The following CLCF1 variants were observed in gnomAD, a reference collection of about 807,000 sequenced individuals.
The protein encoded by CLCF1 is cardiotrophin like cytokine factor 1, also known as cardiotrophin-like cytokine factor 1.
A neutral mutation model predicts 21.2 loss-of-function variants in CLCF1; 10 were observed. That is an observed-to-expected ratio of 0.47 (90% CI 0.29 to 0.80). The LOEUF (loss-of-function observed/expected upper bound fraction) is 0.80. Among genes scored for constraint, CLCF1 ranks in the 30% least tolerant of loss-of-function variants. CLCF1 has a pLI of 0.09. For missense variants in CLCF1, 240 were observed against 293.4 expected (o/e 0.82, Z 1.33); for synonymous variants, 115 against 120.5 (o/e 0.95, Z 0.30).
intron 1 of CLCF1, chr11:67,370,432 C>T (rs1284592647): frequency 1.0e-6 from 1 of 983,482 alleles, no homozygotes; most frequent in Non-Finnish European, 1.2e-6. Context: ...CCCAGCTCTG[C>T]CTCTGGCTGC....
Position 67,364,973 on chromosome 11 carries a change from G to T in CLCF1, c.*163C>A. The T allele has an allele frequency of 8.8e-7, 1 of 1,131,186 alleles. No individual in the cohort carries two copies. The highest frequency in any genetic ancestry group is 1.2e-6 in the Non-Finnish European group (1 of 802,486). 70.1% of individuals were successfully genotyped at this position (1,131,186 alleles called of 1,614,324 possible). A position where few individuals can be genotyped will look rare whatever the true frequency, so the allele number is the denominator to read the frequency against. ...CAGCTCGGTAGACCTTTGGGAGGTG[G>T]GGAGGAGACAGGGCTGATCGCATCA... On this transcript the variant is annotated 3_prime_UTR_variant, in exon 3 of 3. Transcript: ENST00000312438.
intron 1 of CLCF1, chr11:67,370,976 G>A: frequency 1.0e-6 from 1 of 985,458 alleles, no homozygotes; most frequent in Non-Finnish European, 1.2e-6. Context: ...CAGGAGGAAA[G>A]GCCAGACCAG....
In CLCF1 at chr11:67,366,571, G is replaced by A. The variant is rs892350047; in HGVS notation, c.183+889C>T. Among the ~76,000 whole-genome samples, 30 of 152,178 alleles carry A rather than the reference G, an allele frequency of 2.0e-4. 1 individual carries two copies. The highest frequency in any genetic ancestry group is 8.5e-4 in the Admixed American group (13 of 15,286). ...GAGGGCAGAGCCCTTTCCAACCCTC[G>A]GGGGAGCGGCTGGGGCCCAGGGAAA... On this transcript the variant is annotated intron_variant, in intron 2 of 2. Transcript: ENST00000312438.
In CLCF1 at chr11:67,369,260, G is replaced by A. The variant is rs1019919795; in HGVS notation, c.17-1634C>T. On this transcript the variant is annotated intron_variant, in intron 1 of 2. Transcript: ENST00000312438. ...GACTCTTTCAGATGTGTGACTGGCC[G>A]GCTTTACTAAGGGAGCGTGGCGGTG... The A allele has an allele frequency of 2.5e-5, 25 of 985,234 alleles. No homozygotes were observed. In the African/African-American group the frequency reaches 3.8e-4, roughly 15 times the overall value. The allele number at this position is 985,234 out of a possible 1,614,324, so 61.0% of individuals were successfully genotyped here.
chr11:67,364,393 C>T lies in CLCF1; in HGVS notation c.*743G>A, dbSNP rs1862056708. 1 of 152,526 alleles carries T rather than the reference C, an allele frequency of 6.6e-6. No homozygotes were observed. Among genetic ancestry groups the T allele is most frequent in the African/African-American group, 2.4e-5 (1 of 41,416 alleles). The allele number at this position is 152,526 out of a possible 1,614,324, so 9.4% of individuals were successfully genotyped here. On this transcript the variant is annotated 3_prime_UTR_variant, in exon 3 of 3. Coordinates refer to ENST00000312438, the MANE Select transcript of CLCF1 (RefSeq NM_013246.3). ...CTGTGGTGTGGCTATGGTTGCCCTC[C>T]CCAGCCTGGCAACCCACAGATACCC... is the stretch of plus-strand genomic sequence containing the variant.
chr11:67,369,254 C>A (rs1360017825), intron 1 of CLCF1: 1 of 985,260 alleles, frequency 1.0e-6, no homozygotes, highest in Non-Finnish European at 1.2e-6. Flanking sequence ...AGATGTGTGA[C>A]TGGCCGGCTT....
In CLCF1 at chr11:67,365,122, GAGA is replaced by G. The variant is rs1333395094; in HGVS notation, c.*11_*13del. 6.2e-7 allele frequency: 1 copy of G among 1,613,606 alleles called. No individual in the cohort carries two copies. ...CAGGGTTTGAAGGGGGAGCGAAGAG[GAGA>G]AGGTCAGAAGTCAGAAGCCATGAGC... On this transcript the variant is annotated 3_prime_UTR_variant, in exon 3 of 3. Transcript: ENST00000312438. The surrounding 1 kb of genome is among the most constrained non-coding windows in gnomAD (Gnocchi z 5.0).
In CLCF1 at chr11:67,369,282, G is replaced by C. The variant is rs541576875; in HGVS notation, c.17-1656C>G. 410 of 985,398 alleles carry C rather than the reference G, an allele frequency of 4.2e-4. 5 individuals are homozygous for C. The South Asian group carries it at 0.011, about 27-fold the overall frequency. The allele number at this position is 985,398 out of a possible 1,614,324, so 61.0% of individuals were successfully genotyped here. ...GCCGGCTTTACTAAGGGAGCGTGGC[G>C]GTGGGGTACCACAAGTCACAGGGTC... On this transcript the variant is annotated intron_variant, in intron 1 of 2. Transcript: ENST00000312438.
chr11:67,368,421 C>A (rs1361255384), intron 1 of CLCF1: 1 of 985,158 alleles, frequency 1.0e-6, no homozygotes, highest in African/African-American at 1.7e-5. Context: ...GTGCATTTGA[C>A]GAGTCGGGCT....
rs764224393 is a variant in CLCF1 at position 67,365,243 on chromosome 11, G to A, written c.571C>T (p.Leu191=). 6.2e-7 allele frequency: 1 copy of A among 1,614,054 alleles called. No individual in the cohort carries two copies. Among genetic ancestry groups the A allele is most frequent in the South Asian group, 1.1e-5 (1 of 91,092 alleles). The change falls in exon 3 of 3, where the codon CTG becomes TTG. Residue 191 remains leucine, a synonymous_variant. Transcript: ENST00000312438. This position sits in a 1 kb window ranked among gnomAD's most constrained non-coding sequence, Gnocchi z 5.0. ...KMDDFWLLKE[L]QTWLWRSAKD... is the part of the protein sequence containing the mutation. Reference sequence around the variant, plus strand: ...GCCGAGCGCCACAGCCAGGTCTGCAGCTCCTTCAGCAGCCAGAAGTCGTCC... The same window carrying A: ...GCCGAGCGCCACAGCCAGGTCTGCAACTCCTTCAGCAGCCAGAAGTCGTCC...
At chr11:67,373,695 T>G (rs1590919807), upstream of CLCF1, 4 of 1,224,598 alleles carry the variant, frequency 3.3e-6, no homozygotes, top group Admixed American at 4.4e-5. Flanking sequence ...TTTTTTTCGG[T>G]GTGGGACATT....
At chr11:67,370,926 G>C in intron 1 of CLCF1, 1 of 985,442 alleles carries the variant, frequency 1.0e-6, no homozygotes, top group Non-Finnish European at 1.2e-6. Context: ...AGCTCCAGAG[G>C]TGGGGCATGG....
upstream of CLCF1, chr11:67,373,713 CTT>C (rs35544864): frequency 1.6e-3 from 1,697 of 1,030,876 alleles, no homozygotes; most frequent in East Asian, 5.5e-3. Flanking sequence ...ATTCTGCAAA[CTT>C]TTTTTTTTTT....
In CLCF1 at chr11:67,371,261, A is replaced by G. The variant is rs376163438; in HGVS notation, c.16+2263T>C. 1.8e-4 allele frequency among the ~76,000 whole-genome samples: 28 copies of G among 152,282 alleles called. No individual in the cohort carries two copies. The South Asian group carries it at 5.8e-3, about 32-fold the overall frequency. On this transcript the variant is annotated intron_variant, in intron 1 of 2. Transcript: ENST00000312438. The stretch of plus-strand genomic sequence containing the variant: ...TCCTTGGTTCCTTTTACCCCAGGCC[A>G]CTGAGAAGTAGCTTGGTGAGTGGGG...
chr11:67,369,065 A>G, intron 1 of CLCF1: 1 of 985,020 alleles, frequency 1.0e-6, no homozygotes, highest in Non-Finnish European at 1.2e-6. Context: ...TTAGGATGGG[A>G]TTTGGATTCA....
intron 2 of CLCF1, among the ~76,000 whole-genome samples, chr11:67,366,854 C>A (rs1026683519): frequency 2.6e-5 from 4 of 152,056 alleles, no homozygotes; most frequent in African/African-American, 9.7e-5. Context: ...CTCCTCCAAC[C>A]CTCCTTCCTT....
chr11:67,368,193 G>C (rs1293393002), intron 1 of CLCF1: 1 of 985,286 alleles, frequency 1.0e-6, no homozygotes, highest in Non-Finnish European at 1.2e-6. Flanking sequence ...CTAGGGTCGG[G>C]CTGCCTTATG....
rs1463701999 is a variant in CLCF1 at position 67,372,600 on chromosome 11, G to A, written c.16+924C>T. On this transcript the variant is annotated intron_variant, in intron 1 of 2. Coordinates refer to ENST00000312438, the MANE Select transcript of CLCF1 (RefSeq NM_013246.3). This position sits in a 1 kb window ranked among gnomAD's most constrained non-coding sequence, Gnocchi z 5.9. The stretch of plus-strand genomic sequence containing the variant: ...GCCCCGCCCCCTCCCGCTCCCGCCC[G>A]GTCGCTCCTTCCCCGCGGCGGGGGC... 3.4e-5 allele frequency among the ~76,000 whole-genome samples: 5 copies of A among 147,314 alleles called. No homozygotes were observed. The highest frequency in any genetic ancestry group is 2.1e-4 in the East Asian group (1 of 4,702).
intron 1 of CLCF1, 112 bp downstream of exon 1, chr11:67,373,412 C>T (rs1353569037): frequency 1.7e-5 from 9 of 538,292 alleles, no homozygotes; most frequent in Non-Finnish European, 2.4e-5. Context: ...CCGAGCCCAG[C>T]TCCCTGGCCC....
Sources: gnomAD v4.1 joint callset for allele counts (sites outside exome capture counted in the v4.1 genomes callset) on GRCh38, gnomAD v4.1.1 for gene constraint, Gnocchi (gnomAD v3.1) non-coding constraint, MANE v1.5 for transcripts, NCBI Gene and HGNC (gene_info 2026-07-23, HGNC 2026-07-21) for gene names.